ERCC6: variants seen among roughly 807,000 people sequenced by gnomAD.
The protein encoded by ERCC6 is DNA excision repair protein ERCC-6.
ERCC6 carries 116 observed loss-of-function variants against 158.7 expected under a neutral mutation model. The observed-to-expected ratio is 0.73, with a 90% CI of 0.63 to 0.85. The LOEUF is 0.85. Among genes scored for constraint, ERCC6 ranks in the 40% least tolerant of loss-of-function variants. The pLI is 0.00. For synonymous variants in ERCC6, 678 were observed against 659.3 expected (o/e 1.03, Z -0.43); for missense variants, 1,698 against 1,799.4 (o/e 0.94, Z 1.02).
intron 5 of ERCC6, among the ~76,000 whole-genome samples, chr10:49,513,850 CT>C (rs1836875585): frequency 6.6e-6 from 1 of 151,528 alleles, no homozygotes; most frequent in South Asian, 2.1e-4. Context: ...TATTCTCTCT[CT>C]CTCTCTTTTT....
intron 5 of ERCC6, 135 bp from the exon 6 acceptor site, chr10:49,506,147 A>G: frequency 1.1e-6 from 1 of 893,376 alleles, no homozygotes; most frequent in Non-Finnish European, 1.8e-6. Context: ...ATTATTACCC[A>G]AAACACTGAT....
chr10:49,478,606 T>G, intron 10 of ERCC6, 136 bp from the exon 11 acceptor site: 2 of 717,540 alleles, frequency 2.8e-6, no homozygotes, highest in Non-Finnish European at 5.0e-6. Context: ...GGGAAATGAT[T>G]GCAAAATGGT....
Position 49,458,833 on chromosome 10 carries a change from G to A in ERCC6, c.4464C>T (p.Leu1488=), listed in dbSNP as rs746028344. The change falls in exon 21 of 21, where the codon CTC becomes CTT. Residue 1488 remains leucine (L), a synonymous_variant. Coordinates refer to ENST00000355832, the MANE Select transcript of ERCC6 (RefSeq NM_000124.4). ...RTSGGEGIWK[L]KPEYC ...ATGTTGTTTAGCAGTATTCTGGCTT[G>A]AGTTTCCAAATTCCTTCACCACCAG... 4 of 1,614,184 alleles carry A rather than the reference G, an allele frequency of 2.5e-6. No homozygotes were observed. In the Admixed American group the frequency reaches 6.7e-5, roughly 27 times the overall value.
chr10:49,521,226 G>C (rs566939054), intron 5 of ERCC6, among the ~76,000 whole-genome samples: 1 of 152,356 alleles, frequency 6.6e-6, no homozygotes, highest in East Asian at 1.9e-4. Context: ...ATAACATGGA[G>C]GTAACAAGGA....
chr10:49,529,257 A>G (rs1382491487), intron 3 of ERCC6, among the ~76,000 whole-genome samples: 1 of 152,250 alleles, frequency 6.6e-6, no homozygotes. Context: ...AATCCTGAAC[A>G]TAAATGCCAC....
chr10:49,503,351 A>C (rs1851386914), intron 6 of ERCC6: 1 of 152,166 alleles, frequency 6.6e-6, no homozygotes, highest in Non-Finnish European at 1.5e-5. Context: ...TTCAAACAGC[A>C]TGTGAGTGTG....
chr10:49,504,965 T>C (rs1421108365), intron 6 of ERCC6: 1 of 152,162 alleles, frequency 6.6e-6, no homozygotes, highest in East Asian at 1.9e-4. Flanking sequence ...CATGCTGTTT[T>C]TAAGTAGACT....
At chr10:49,459,424 T>A (rs1478791859) in intron 20 of ERCC6, among the ~76,000 whole-genome samples, 190 bp from the exon 21 acceptor site, 4 of 151,940 alleles carry the variant, frequency 2.6e-5, no homozygotes, top group African/African-American at 9.7e-5. Context: ...CTCCCACTGT[T>A]AAGAGACCGT....
Position 49,515,152 on chromosome 10 carries a change from G to A in ERCC6, c.1397+8881C>T, listed in dbSNP as rs527687901. On this transcript the variant is annotated intron_variant, in intron 5 of 20. Coordinates refer to ENST00000355832, the MANE Select transcript of ERCC6 (RefSeq NM_000124.4). ...TGAGGTTACAATTTTTTGAATTTTT[G>A]CATGAAATTCATATATGTTACCTAG... The A allele has an allele frequency of 2.1e-5, 27 of 1,295,932 alleles. No individual in the cohort carries two copies. The South Asian group carries it at 5.9e-4, about 29-fold the overall frequency. 80.3% of individuals were successfully genotyped at this position (1,295,932 alleles called of 1,614,324 possible).
At chr10:49,452,969 A>G (rs955863912), downstream of ERCC6, among the ~76,000 whole-genome samples, 5 of 152,084 alleles carry the variant, frequency 3.3e-5, no homozygotes, top group African/African-American at 1.2e-4. Context: ...TGTGTTATCT[A>G]TGGGAGCATA....
chr10:49,446,040 A>G, the ERCC6 span, among the ~76,000 whole-genome samples: 2 of 152,200 alleles, frequency 1.3e-5, no homozygotes, highest in African/African-American at 2.4e-5. Context: ...ATTCATAACT[A>G]TAAGTTCACA....
At chr10:49,439,900 CCAAAA>C in the ERCC6 span, among the ~76,000 whole-genome samples, 1 of 152,262 alleles carries the variant, frequency 6.6e-6, no homozygotes, top group Middle Eastern at 3.4e-3. Context: ...ACTCCAGTTC[CCAAAA>C]CAAGTTTCTC....
chr10:49,470,776 A>G lies in ERCC6; in HGVS notation c.3184T>C (p.Ser1062Pro). ...TCAGATGATGTGGCATCATTTACAG[A>G]TATGTTAGAAGCAGGGAACTTCTTG... Reference protein sequence around the residue: ...KRKKFPASNISVNDATSSEEK... With the variant: ...KRKKFPASNIPVNDATSSEEK... Residue 1062 changes from serine to proline, a missense_variant, in exon 18 of 21, where the codon TCT becomes CCT. Transcript: ENST00000355832. 3 of 1,614,122 alleles carry G rather than the reference A, an allele frequency of 1.9e-6. No individual in the cohort carries two copies. The highest frequency in any genetic ancestry group is 1.3e-5 in the African/African-American group (1 of 75,028).
intron 12 of ERCC6, chr10:49,475,476 T>C (rs979236497): frequency 9.3e-6 from 4 of 430,024 alleles, no homozygotes; most frequent in Non-Finnish European, 1.8e-5. Context: ...GATGAATAGA[T>C]GTGAATGACT....
At chr10:49,508,480 G>T (rs987364706) in intron 5 of ERCC6, among the ~76,000 whole-genome samples, 2 of 152,038 alleles carry the variant, frequency 1.3e-5, no homozygotes, top group Non-Finnish European at 2.9e-5. Context: ...CTACAGAAAC[G>T]ATTGCATTCT....
At chr10:49,452,811 T>C (rs890182761), downstream of ERCC6, among the ~76,000 whole-genome samples, 1 of 151,390 alleles carries the variant, frequency 6.6e-6, no homozygotes, top group African/African-American at 2.4e-5. Flanking sequence ...CTTTTTATCA[T>C]TATAAAATGT....
At chr10:49,516,484 C>T in intron 5 of ERCC6, 2 of 1,614,150 alleles carry the variant, frequency 1.2e-6, no homozygotes, top group Non-Finnish European at 1.7e-6. Context: ...CTAACCAGTA[C>T]ATTATGCACA....
At chr10:49,447,505 G>C in the ERCC6 span, among the ~76,000 whole-genome samples, 200 of 152,158 alleles carry the variant, frequency 1.3e-3, 3 homozygotes, top group South Asian at 0.018. Context: ...GGTTAATATG[G>C]TGAAACCCCA....
intron 5 of ERCC6, among the ~76,000 whole-genome samples, chr10:49,513,651 C>T (rs1371107928): frequency 6.6e-6 from 1 of 152,088 alleles, no homozygotes; most frequent in Non-Finnish European, 1.5e-5. Flanking sequence ...TGAGTGCAAG[C>T]ACAGGAAAAA....
Sources: allele counts gnomAD v4.1 joint callset (sites outside exome capture counted in the v4.1 genomes callset), GRCh38; gene constraint gnomAD v4.1.1; transcripts MANE v1.5; gene names NCBI Gene and HGNC (gene_info 2026-07-23, HGNC 2026-07-21).